PDE11A: variants seen among roughly 807,000 people sequenced by gnomAD.
PDE11A encodes dual 3',5'-cyclic-AMP and -GMP phosphodiesterase 11A.
PDE11A carries 100 observed loss-of-function variants against 100.5 expected under a neutral mutation model. The observed-to-expected ratio is 1.00, with a 90% CI of 0.85 to 1.18. The LOEUF (loss-of-function observed/expected upper bound fraction) is 1.18, where lower values mean the gene tolerates loss of function less well. PDE11A is among the 50% of genes most tolerant of loss of function. PDE11A has a pLI of 0.00. For missense variants in PDE11A, 1,141 were observed against 1,152.6 expected, an observed-to-expected ratio of 0.99 and a Z score of 0.15; for synonymous variants, 381 against 420.8, an observed-to-expected ratio of 0.91 and a Z score of 1.16.
chr2:178,084,677 G>T (rs1013577117), intron 2 of PDE11A, among the ~76,000 whole-genome samples: 1 of 152,082 alleles, frequency 6.6e-6, no homozygotes, highest in East Asian at 1.9e-4. Flanking sequence ...AATGAGACTG[G>T]GTTCAACAGA....
intron 9 of PDE11A, among the ~76,000 whole-genome samples, chr2:177,808,699 C>T (rs1574163428): frequency 1.3e-5 from 2 of 152,002 alleles, no homozygotes; most frequent in Non-Finnish European, 2.9e-5. Flanking sequence ...CTGATCCATA[C>T]CTAAAAATTC....
intron 4 of PDE11A, among the ~76,000 whole-genome samples, chr2:177,879,798 T>C (rs1035554445): frequency 3.3e-5 from 5 of 152,188 alleles, no homozygotes; most frequent in Non-Finnish European, 5.9e-5. Flanking sequence ...TATATACATC[T>C]CTTAATGAAA....
chr2:177,944,799 G>A (rs1231378672), intron 2 of PDE11A, among the ~76,000 whole-genome samples: 2 of 92,570 alleles, frequency 2.2e-5, no homozygotes, highest in Admixed American at 1.4e-4. Context: ...TAGAAGATGC[G>A]AGCGCTCTCC....
At chr2:177,655,868 T>C (rs2080374835) in intron 19 of PDE11A, among the ~76,000 whole-genome samples, 1 of 152,268 alleles carries the variant, frequency 6.6e-6, no homozygotes, top group African/African-American at 2.4e-5. Context: ...CAATATACAA[T>C]ATACATTTCT....
At chr2:177,732,643 G>T (rs1405696381) in intron 10 of PDE11A, among the ~76,000 whole-genome samples, 2 of 152,156 alleles carry the variant, frequency 1.3e-5, no homozygotes, top group African/African-American at 4.8e-5. Flanking sequence ...AAAAATTAAA[G>T]AATATAGGAA....
chr2:178,088,641 T>C (rs755124210), intron 2 of PDE11A, among the ~76,000 whole-genome samples: 1 of 152,228 alleles, frequency 6.6e-6, no homozygotes, highest in Non-Finnish European at 1.5e-5. Flanking sequence ...AGACATGAAT[T>C]AGAATTGCCT....
chr2:177,891,481 A>T (rs1182247939), intron 4 of PDE11A, among the ~76,000 whole-genome samples: 3 of 152,344 alleles, frequency 2.0e-5, no homozygotes, highest in Admixed American at 6.5e-5. Context: ...GCTTATTCTC[A>T]TCAGAATTGA....
At chr2:178,089,153 G>A (rs977659941) in intron 2 of PDE11A, among the ~76,000 whole-genome samples, 17 of 152,180 alleles carry the variant, frequency 1.1e-4, no homozygotes, top group African/African-American at 3.6e-4. Context: ...TTGGGGAGAA[G>A]TTGAGGAGAT....
intron 2 of PDE11A, among the ~76,000 whole-genome samples, chr2:178,080,333 G>C (rs986654502): frequency 6.6e-6 from 1 of 152,144 alleles, no homozygotes; most frequent in African/African-American, 2.4e-5. Flanking sequence ...TAAGATGTAA[G>C]GAAGGGGTTC....
chr2:177,838,793 A>G (rs146349766), intron 6 of PDE11A, among the ~76,000 whole-genome samples: 90 of 152,382 alleles, frequency 5.9e-4, no homozygotes, highest in African/African-American at 2.1e-3. Flanking sequence ...TGCTCCAGTC[A>G]TATAACCAAG....
At chr2:177,744,067 T>C (rs1168077473) in intron 10 of PDE11A, among the ~76,000 whole-genome samples, 1 of 152,136 alleles carries the variant, frequency 6.6e-6, no homozygotes, top group South Asian at 2.1e-4. Flanking sequence ...AAGGGAATAG[T>C]AGGGCTGGAG....
chr2:177,818,238 A>G (rs2083075533), intron 7 of PDE11A, among the ~76,000 whole-genome samples: 1 of 151,608 alleles, frequency 6.6e-6, no homozygotes. Flanking sequence ...CTGAGTATAT[A>G]TGTAGCTGAA....
At chr2:177,758,811 G>A (rs2082132461) in intron 10 of PDE11A, among the ~76,000 whole-genome samples, 1 of 152,202 alleles carries the variant, frequency 6.6e-6, no homozygotes, top group African/African-American at 2.4e-5. Flanking sequence ...TTGTTCTTAA[G>A]GCTAAACCAA....
In PDE11A at chr2:177,634,909, T is replaced by G. The variant is rs1422461893; in HGVS notation, c.2647-5347A>C. ...TTCTGTGAGAATGCTATTGTCTAGT[T>G]TGACTTGCTCCTCAGTGAAAGAGAA... On this transcript the variant is annotated intron_variant, in intron 19 of 19. Transcript: ENST00000286063. Among the ~76,000 whole-genome samples, 5 of 152,180 alleles carry G rather than the reference T, an allele frequency of 3.3e-5. No individual in the cohort carries two copies. In the East Asian group the frequency reaches 7.7e-4, roughly 23 times the overall value.
rs575590865 is a variant in PDE11A at position 177,734,127 on chromosome 2, G to A, written c.1789-5955C>T. On this transcript the variant is annotated intron_variant, in intron 10 of 19. Transcript: ENST00000286063. ...ATCCAGATGACTAGCTTTTCAATCCGTTTTTTATTATAAGCAACCTGGACC... is the reference window on the plus strand; with the variant it reads ...ATCCAGATGACTAGCTTTTCAATCCATTTTTTATTATAAGCAACCTGGACC... Among the ~76,000 whole-genome samples the A allele has an allele frequency of 1.6e-3, 242 of 152,218 alleles. 5 individuals are homozygous for A. The South Asian group carries it at 0.033, about 20-fold the overall frequency.
intron 1 of PDE11A, among the ~76,000 whole-genome samples, chr2:178,020,812 G>C (rs2086398266): frequency 6.6e-6 from 1 of 151,934 alleles, no homozygotes; most frequent in Admixed American, 6.6e-5. Flanking sequence ...ACAAAAAGGA[G>C]AAAATGTAAT....
At chr2:177,891,484 AG>A (rs1258334993) in intron 4 of PDE11A, among the ~76,000 whole-genome samples, 7 of 152,376 alleles carry the variant, frequency 4.6e-5, no homozygotes, top group African/African-American at 1.7e-4. Flanking sequence ...TATTCTCATC[AG>A]AATTGAATGA....
rs757470455 is a variant in PDE11A at position 178,071,941 on chromosome 2, G to A, written c.497C>T (p.Pro166Leu). ...CGCACTGAGAATATGGGCTGTGGTGGGGGGCAGGGAGCTTGCCTTCCGGAG... is the reference window on the plus strand; with the variant it reads ...CGCACTGAGAATATGGGCTGTGGTGAGGGGCAGGGAGCTTGCCTTCCGGAG... ...ALLRKASSLP[P>L]TTAHILSALL... The change falls in exon 1 of 20, where the codon CCC (proline) becomes CTC (leucine). Residue 166 changes from proline (P) to leucine (L), a missense_variant. Coordinates refer to ENST00000286063, the MANE Select transcript of PDE11A (RefSeq NM_016953.4). 1.6e-5 allele frequency: 26 copies of A among 1,614,066 alleles called. No homozygotes were observed. The highest frequency in any genetic ancestry group is 2.0e-5 in the Non-Finnish European group (24 of 1,179,936).
chr2:178,037,883 C>T (rs1313290715), intron 1 of PDE11A, among the ~76,000 whole-genome samples: 1 of 151,466 alleles, frequency 6.6e-6, no homozygotes, highest in African/African-American at 2.4e-5. Flanking sequence ...GGGTGGGGGA[C>T]AAGGGAAGGG....
Sources: gnomAD v4.1 joint callset for allele counts (sites outside exome capture counted in the v4.1 genomes callset) on GRCh38, gnomAD v4.1.1 for gene constraint, MANE v1.5 for transcripts, NCBI Gene and HGNC (gene_info 2026-07-23, HGNC 2026-07-21) for gene names.